Variants in URB2 observed in about 807,000 individuals in gnomAD.
URB2 encodes the protein URB2 ribosome biogenesis homolog.
Under a neutral mutation model 120.9 loss-of-function variants are expected in URB2, and 86 were observed. The observed-to-expected ratio is 0.71, with a 90% confidence interval of 0.60 to 0.85. URB2 has a LOEUF of 0.85. Ranked by LOEUF, URB2 falls within the 40% of genes least tolerant of loss-of-function variation. The pLI, the probability that URB2 is intolerant of heterozygous loss-of-function variation, is 0.00. For missense variants in URB2, 1,765 were observed against 1,836.5 expected (o/e 0.96, Z 0.71); for synonymous variants, 755 against 758.4 (o/e 1.00, Z 0.07).
chr1:229,653,406 A>G (rs1666328084), intron 8 of URB2, among the ~76,000 whole-genome samples: 1 of 152,242 alleles, frequency 6.6e-6, no homozygotes, highest in Admixed American at 6.5e-5. Flanking sequence ...AATATTTTCC[A>G]TCATCCTTAA....
At chr1:229,638,998 T>G (rs538202311) in intron 4 of URB2, among the ~76,000 whole-genome samples, 2 of 152,134 alleles carry the variant, frequency 1.3e-5, no homozygotes, top group Non-Finnish European at 2.9e-5. Flanking sequence ...TAAAAAGATA[T>G]GAAAATCTGC....
rs192464380 is a variant in URB2 at position 229,649,601 on chromosome 1, G to T, written c.4150-1634G>T. Reference sequence around the variant, plus strand: ...AATTAATCATAGCTCACTCTCATCTGTTGGGGTTGTGTAGGGAATCTGATG... The same window carrying T: ...AATTAATCATAGCTCACTCTCATCTTTTGGGGTTGTGTAGGGAATCTGATG... On this transcript the variant is annotated intron_variant, in intron 7 of 9. Coordinates refer to ENST00000258243, the MANE Select transcript of URB2 (RefSeq NM_014777.4). Among the ~76,000 whole-genome samples, 273 of 152,316 alleles carry T rather than the reference G, an allele frequency of 1.8e-3. 1 individual carries two copies. The highest frequency in any genetic ancestry group is 6.2e-3 in the African/African-American group (259 of 41,568).
intron 7 of URB2, among the ~76,000 whole-genome samples, chr1:229,648,242 G>A (rs920527325): frequency 6.6e-6 from 1 of 152,126 alleles, no homozygotes; most frequent in Non-Finnish European, 1.5e-5. Flanking sequence ...ATTATATTTA[G>A]ATGGGTCCCA....
chr1:229,654,113 A>G, intron 8 of URB2, 136 bp from the exon 9 acceptor site: 1 of 1,271,038 alleles, frequency 7.9e-7, no homozygotes, highest in South Asian at 1.5e-5. Flanking sequence ...TCTGTCTGCA[A>G]AATAAGCCAA....
Position 229,645,880 on chromosome 1 carries a change from C to T in URB2, c.3817C>T (p.Leu1273=), listed in dbSNP as rs1666134903. The part of the protein sequence containing the change: ...DVQAVVSAVT[L]LRLLLNCPLS... ...CCAGGCTGTTGTGTCAGCTGTTACA[C>T]TGCTGAGGCTGCTACTGAACTGCCC... Residue 1273 remains leucine (L), a synonymous_variant, in exon 6 of 10, where the codon CTG becomes TTG. Coordinates refer to ENST00000258243, the MANE Select transcript of URB2 (RefSeq NM_014777.4). 2 of 1,614,038 alleles carry T rather than the reference C, an allele frequency of 1.2e-6. No homozygotes were observed. The highest frequency in any genetic ancestry group is 2.7e-5 in the African/African-American group (2 of 74,914).
intron 3 of URB2, among the ~76,000 whole-genome samples, chr1:229,633,302 A>G (rs560810079): frequency 6.6e-6 from 1 of 152,358 alleles, no homozygotes; most frequent in East Asian, 1.9e-4. Flanking sequence ...GTGGTCACCA[A>G]AGTGGCTTAT....
intron 2 of URB2, among the ~76,000 whole-genome samples, chr1:229,630,157 G>C (rs908167074): frequency 2.0e-5 from 3 of 152,154 alleles, no homozygotes; most frequent in African/African-American, 7.2e-5. Flanking sequence ...CCATGATTCA[G>C]GAATATTTTT....
intron 7 of URB2, chr1:229,650,783 A>G (rs1270887706): frequency 6.6e-6 from 1 of 151,954 alleles, no homozygotes; most frequent in Non-Finnish European, 1.5e-5. Flanking sequence ...CACCACTATT[A>G]ATTGAGAGGT....
rs200567566 is a variant in URB2, at chr1:229,636,568, A to G, written c.1955A>G (p.Lys652Arg). Reference protein sequence around the residue: ...SNLPSLLPGVKTQHWKKIEKF... With the variant: ...SNLPSLLPGVRTQHWKKIEKF... ...CTCCCTTCGTTGCTCCCAGGTGTAA[A>G]AACACAGCATTGGAAGAAGATAGAG... The change falls in exon 4 of 10, where the codon AAA becomes AGA. Residue 652 changes from lysine to arginine, a missense_variant. Coordinates refer to ENST00000258243, the MANE Select transcript of URB2 (RefSeq NM_014777.4). 604 of 1,614,146 alleles carry G rather than the reference A, an allele frequency of 3.7e-4. No individual in the cohort carries two copies. Among genetic ancestry groups the G allele is most frequent in the Non-Finnish European group, 4.7e-4 (555 of 1,179,980 alleles).
chr1:229,639,433 C>G (rs1195065741), intron 4 of URB2, among the ~76,000 whole-genome samples: 1 of 149,972 alleles, frequency 6.7e-6, no homozygotes, highest in African/African-American at 2.5e-5. Context: ...TTCCCGGGTT[C>G]ATGCCATTCT....
chr1:229,652,043 G>A (rs1005569904), intron 8 of URB2, among the ~76,000 whole-genome samples: 21 of 152,068 alleles, frequency 1.4e-4, no homozygotes, highest in African/African-American at 4.3e-4. Flanking sequence ...TTAGCTGGGC[G>A]TGATGGTGGA....
Position 229,637,445 on chromosome 1 carries a change from T to C in URB2, c.2832T>C (p.Thr944=), listed in dbSNP as rs779137332. The part of the protein sequence containing the change: ...SSSLALKFLT[T]CYQLLGYLQK... ...CACTGGCTCTCAAGTTCTTGACGAC[T>C]TGCTACCAACTTCTTGGTTACTTGC... Residue 944 remains threonine (T), a synonymous_variant, in exon 4 of 10, where the codon ACT becomes ACC. Transcript: ENST00000258243. The C allele has an allele frequency of 1.2e-6, 2 of 1,614,074 alleles. No homozygotes were observed. The highest frequency in any genetic ancestry group is 4.5e-5 in the East Asian group (2 of 44,900).
At position 229,635,832 on chromosome 1, in the gene URB2, GC is replaced by G. The variant is rs758905495; in HGVS notation, c.1221del (p.Trp408GlyfsTer5). On this transcript the variant is annotated frameshift_variant, in exon 4 of 10. Coordinates refer to ENST00000258243, the MANE Select transcript of URB2 (RefSeq NM_014777.4). LOFTEE classifies it high-confidence loss of function. ...LINHAQAPIP[A>X]WFRCLKTLIS... ...AAACCATGCACAAGCACCCATACCG[GC>G]CTGGTTCCGCTGTCTGAAGACTTTG... is the stretch of plus-strand genomic sequence containing the variant. The G allele has an allele frequency of 3.1e-6, 5 of 1,614,098 alleles. No individual in the cohort carries two copies.
At chr1:229,645,070 G>A (rs1459125721) in intron 5 of URB2, among the ~76,000 whole-genome samples, 1 of 152,106 alleles carries the variant, frequency 6.6e-6, no homozygotes, top group Non-Finnish European at 1.5e-5. Context: ...TGGATTATAT[G>A]AGGTCAGGAG....
intron 4 of URB2, among the ~76,000 whole-genome samples, chr1:229,642,556 AG>A (rs937531126): frequency 3.3e-4 from 51 of 152,314 alleles, no homozygotes; most frequent in African/African-American, 1.2e-3. Context: ...CAGACGATAA[AG>A]GGCCTTGAGT....
At chr1:229,633,053 C>A (rs1292946775) in intron 3 of URB2, among the ~76,000 whole-genome samples, 1 of 152,226 alleles carries the variant, frequency 6.6e-6, no homozygotes, top group East Asian at 1.9e-4. Flanking sequence ...TTTAACTTTC[C>A]TAAAGTCACA....
chr1:229,646,125 G>C (rs1023919485), intron 6 of URB2, among the ~76,000 whole-genome samples, 156 bp downstream of exon 6: 3 of 152,106 alleles, frequency 2.0e-5, no homozygotes, highest in African/African-American at 7.2e-5. Flanking sequence ...TGCCGAGCTT[G>C]TGTGTCCTGC....
Position 229,636,979 on chromosome 1 carries a change from A to T in URB2, c.2366A>T (p.Glu789Val), listed in dbSNP as rs1665853105. ...GATGAAGAGGCATACATCACACTGG[A>T]AAAAATATCCAAAGCCTTCCTTCAT... ...SIDEEAYITL[E>V]KISKAFLHSP... is the part of the protein sequence containing the mutation. Residue 789 changes from glutamate (E) to valine (V), a missense_variant, in exon 4 of 10, where the codon GAA becomes GTA. Coordinates refer to ENST00000258243, the MANE Select transcript of URB2 (RefSeq NM_014777.4). The T allele has an allele frequency of 6.2e-7, 1 of 1,613,722 alleles. No homozygotes were observed. The highest frequency in any genetic ancestry group is 8.5e-7 in the Non-Finnish European group (1 of 1,179,740).
chr1:229,647,544 TG>T lies in URB2; in HGVS notation c.3942del (p.Ser1315ProfsTer9). ...LNREASQEQP[V>X]SLTVVGPVLD... is the part of the protein sequence containing the mutation. Reference sequence around the variant, plus strand: ...CGAGAAGCTTCTCAGGAGCAGCCTGTGTCCCTCACAGTGGTCGGGCCTGTCT... The same window carrying T: ...CGAGAAGCTTCTCAGGAGCAGCCTGTTCCCTCACAGTGGTCGGGCCTGTCT... On this transcript the variant is annotated frameshift_variant, in exon 7 of 10. Transcript: ENST00000258243. LOFTEE classifies it high-confidence loss of function. 1 of 1,614,214 alleles carries T rather than the reference TG, an allele frequency of 6.2e-7. No homozygotes were observed. Among genetic ancestry groups the T allele is most frequent in the Non-Finnish European group, 8.5e-7 (1 of 1,180,032 alleles).
Sources: allele counts gnomAD v4.1 joint callset (sites outside exome capture counted in the v4.1 genomes callset), GRCh38; gene constraint gnomAD v4.1.1; transcripts MANE v1.5; gene names NCBI Gene and HGNC (gene_info 2026-07-23, HGNC 2026-07-21).